MIA3: variants seen among roughly 807,000 people sequenced by gnomAD.
The protein encoded by MIA3 is MIA SH3 domain ER export factor 3.
MIA3 carries 90 observed loss-of-function variants against 192.4 expected under a neutral mutation model. The observed-to-expected ratio is 0.47, with a 90% CI of 0.39 to 0.56. The LOEUF is 0.56. Among genes scored for constraint, MIA3 ranks in the 20% least tolerant of loss-of-function variants. The pLI is 0.00. For synonymous variants in MIA3, 740 were observed against 792.8 expected (o/e 0.93, Z 1.12); for missense variants, 2,123 against 2,269.4 (o/e 0.94, Z 1.31).
At chr1:222,654,571 C>T in intron 17 of MIA3, 84 bp from the exon 18 acceptor site, 6 of 1,554,068 alleles carry the variant, frequency 3.9e-6, no homozygotes, top group Non-Finnish European at 5.3e-6. Flanking sequence ...TTTCATACTT[C>T]TCATTTCTCT....
rs1388455215 is a variant in MIA3, at chr1:222,667,806, T to A, written c.*2187T>A. 2.8e-5 allele frequency: 4 copies of A among 141,838 alleles called. No individual in the cohort carries two copies. The East Asian group carries it at 8.5e-4, about 30-fold the overall frequency. The allele number at this position is 141,838 out of a possible 1,614,324, so 8.8% of individuals were successfully genotyped here. On this transcript the variant is annotated 3_prime_UTR_variant, in exon 28 of 28. Transcript: ENST00000344922. The stretch of plus-strand genomic sequence containing the variant: ...TTGTGTCTGGATTTAGTTGCTAAAA[T>A]TGTCTTATTTATGAAGCAGCAATAT...
At chr1:222,620,772 T>C (rs1661818461) in intron 1 of MIA3, among the ~76,000 whole-genome samples, 1 of 152,196 alleles carries the variant, frequency 6.6e-6, no homozygotes, top group African/African-American at 2.4e-5. Flanking sequence ...GGGCTTGAAT[T>C]TACCCATTTG....
At chr1:222,632,115 C>T in intron 4 of MIA3, 50 bp from the exon 5 acceptor site, 1 of 1,573,482 alleles carries the variant, frequency 6.4e-7, no homozygotes, top group South Asian at 1.2e-5. Flanking sequence ...ATTAGCCTAA[C>T]AGGTAGTGTC....
intron 26 of MIA3, 144 bp downstream of exon 26, chr1:222,662,476 C>T (rs1310178440): frequency 3.2e-5 from 47 of 1,478,560 alleles, no homozygotes; most frequent in Non-Finnish European, 4.1e-5. Context: ...TCTCCAAGAG[C>T]CTGAAGTCCC....
At position 222,625,759 on chromosome 1, in the gene MIA3, CAG is replaced by C. The variant is rs140170857; in HGVS notation, c.354+908_354+909del. On this transcript the variant is annotated intron_variant, in intron 3 of 27. Coordinates refer to ENST00000344922, the MANE Select transcript of MIA3 (RefSeq NM_198551.4). ...CCATCTGATTATTATTTTTTTGAGA[CAG>C]AGTCTCTCTCTGCCGCCCAGGCTGG... Among the ~76,000 whole-genome samples the C allele has an allele frequency of 3.9e-3, 591 of 152,230 alleles. 4 individuals are homozygous for C. Among genetic ancestry groups the C allele is most frequent in the African/African-American group, 0.013 (553 of 41,544 alleles).
At position 222,618,255 on chromosome 1, in the gene MIA3, G is replaced by A. The variant is rs1661694655; in HGVS notation, c.133+12G>A. The A allele has an allele frequency of 1.4e-6, 2 of 1,431,710 alleles. No individual in the cohort carries two copies. Among genetic ancestry groups the A allele is most frequent in the African/African-American group, 1.5e-5 (1 of 67,254 alleles). The allele number at this position is 1,431,710 out of a possible 1,614,324, so 88.7% of individuals were successfully genotyped here. On this transcript the variant is annotated intron_variant, in intron 1 of 27. Transcript: ENST00000344922. ...CGACGAATGCAGCAGTGAGTGCGCT[G>A]GAGGGGCGGCTGGCCTCGGGGCGGC...
intron 26 of MIA3, chr1:222,662,963 C>T (rs1276023324): frequency 6.5e-6 from 1 of 154,712 alleles, no homozygotes; most frequent in Admixed American, 6.3e-5. Context: ...TGAGCCAGTT[C>T]CCAGCAGTGT....
chr1:222,634,646 TAG>T (rs1233618900), intron 6 of MIA3, among the ~76,000 whole-genome samples: 2 of 152,194 alleles, frequency 1.3e-5, no homozygotes, highest in Non-Finnish European at 2.9e-5. Context: ...CTTGGTAAAT[TAG>T]AGGACTAAGC....
chr1:222,655,336 C>T (rs1313972656), intron 18 of MIA3, among the ~76,000 whole-genome samples: 2 of 152,212 alleles, frequency 1.3e-5, no homozygotes. Context: ...TAATAATCCT[C>T]TGAAATACAT....
chr1:222,648,394 T>C (rs1663254795), intron 7 of MIA3, among the ~76,000 whole-genome samples: 1 of 152,240 alleles, frequency 6.6e-6, no homozygotes, highest in South Asian at 2.1e-4. Context: ...CCTTTAATTA[T>C]GTTTCCTCAG....
Position 222,665,339 on chromosome 1 carries a change from G to A in MIA3, c.5444G>A (p.Arg1815Lys), listed in dbSNP as rs1297573220. Reference protein sequence around the residue: ...GPGMRPPLGLREFAPGVPPGR... With the variant: ...GPGMRPPLGLKEFAPGVPPGR... ...GGTATGCGTCCACCACTAGGCTTAA[G>A]AGAATTTGCACCAGGCGTTCCACCA... Residue 1815 changes from arginine (R) to lysine (K), a missense_variant, in exon 28 of 28, where the codon AGA (arginine) becomes AAA (lysine). Transcript: ENST00000344922. 6.2e-7 allele frequency: 1 copy of A among 1,613,352 alleles called. No homozygotes were observed. The highest frequency in any genetic ancestry group is 2.2e-5 in the East Asian group (1 of 44,872).
Position 222,630,088 on chromosome 1 carries a change from A to G in MIA3, c.2868A>G (p.Ser956=). The change falls in exon 4 of 28, where the codon TCA becomes TCG. Residue 956 remains serine, a synonymous_variant. Transcript: ENST00000344922. The part of the protein sequence containing the change: ...HELEALLQEM[S]SKLKSAQQES... Reference sequence around the variant, plus strand: ...TGGAAGCCTTGCTACAAGAAATGTCATCAAAACTGAAGTCAGCGCAGCAGG... The same window carrying G: ...TGGAAGCCTTGCTACAAGAAATGTCGTCAAAACTGAAGTCAGCGCAGCAGG... 1 of 1,614,182 alleles carries G rather than the reference A, an allele frequency of 6.2e-7. No homozygotes were observed. The highest frequency in any genetic ancestry group is 8.5e-7 in the Non-Finnish European group (1 of 1,180,004).
At chr1:222,656,275 G>T (rs1043804889) in intron 18 of MIA3, among the ~76,000 whole-genome samples, 1 of 151,912 alleles carries the variant, frequency 6.6e-6, no homozygotes, top group African/African-American at 2.4e-5. Context: ...CCCGGCCAAA[G>T]AATATACTTT....
intron 1 of MIA3, among the ~76,000 whole-genome samples, chr1:222,618,525 T>G (rs1453221331): frequency 1.3e-5 from 2 of 152,204 alleles, no homozygotes; most frequent in Non-Finnish European, 2.9e-5. Context: ...TTTCCTCTGC[T>G]GAGGCGGGGG....
Position 222,665,348 on chromosome 1 carries a change from C to T in MIA3, c.5453C>T (p.Ala1818Val). 6.2e-7 allele frequency: 1 copy of T among 1,613,636 alleles called. No homozygotes were observed. Among genetic ancestry groups the T allele is most frequent in the Non-Finnish European group, 8.5e-7 (1 of 1,179,764 alleles). ...MRPPLGLREF[A>V]PGVPPGRRDL... ...CCACCACTAGGCTTAAGAGAATTTG[C>T]ACCAGGCGTTCCACCAGGAAGACGG... Residue 1818 changes from alanine (A) to valine (V), a missense_variant, in exon 28 of 28, where the codon GCA (alanine) becomes GTA (valine). Coordinates refer to ENST00000344922, the MANE Select transcript of MIA3 (RefSeq NM_198551.4).
chr1:222,659,984 T>A lies in MIA3; in HGVS notation c.4953T>A (p.Asn1651Lys). The A allele has an allele frequency of 6.2e-7, 1 of 1,613,558 alleles. No homozygotes were observed. Among genetic ancestry groups the A allele is most frequent in the Non-Finnish European group, 8.5e-7 (1 of 1,179,634 alleles). Residue 1651 changes from asparagine (N) to lysine (K), a missense_variant, in exon 23 of 28, where the codon AAT (asparagine) becomes AAA (lysine). Asn to Lys is a moderately conservative substitution (Grantham distance 94). Coordinates refer to ENST00000344922, the MANE Select transcript of MIA3 (RefSeq NM_198551.4). ...TAAAACCAATGCCAGGAAAACCAAA[T>A]ACACAAAACCCTCCACGGAGAGGTA... ...VIVKPMPGKP[N>K]TQNPPRRGPL...
At chr1:222,662,189 T>G in intron 25 of MIA3, 64 bp from the exon 26 acceptor site, 1 of 1,593,310 alleles carries the variant, frequency 6.3e-7, no homozygotes. Context: ...GATTTTTTTT[T>G]TAATCCTCCT....
intron 23 of MIA3, 77 bp from the exon 24 acceptor site, chr1:222,660,099 AC>A (rs1326280938): frequency 3.2e-6 from 5 of 1,586,930 alleles, no homozygotes; most frequent in Non-Finnish European, 4.3e-6. Flanking sequence ...TGGTTATGGT[AC>A]CCTAGGAATA....
chr1:222,635,699 A>G (rs977342948), intron 6 of MIA3, among the ~76,000 whole-genome samples: 3 of 152,226 alleles, frequency 2.0e-5, no homozygotes, highest in East Asian at 3.8e-4. Context: ...TGGGAAAACT[A>G]TACCAGAGGT....
Sources: allele counts gnomAD v4.1 joint callset (sites outside exome capture counted in the v4.1 genomes callset), GRCh38; gene constraint gnomAD v4.1.1; transcripts MANE v1.5; gene names NCBI Gene and HGNC (gene_info 2026-07-23, HGNC 2026-07-21).